The following TMEM135 variants were observed in gnomAD, a reference collection of about 807,000 sequenced individuals.
The protein encoded by TMEM135 is transmembrane protein 135.
TMEM135 carries 30 observed loss-of-function variants against 60.3 expected under a neutral mutation model. The observed-to-expected ratio is 0.50, with a 90% CI of 0.37 to 0.68. TMEM135 has a LOEUF of 0.68. TMEM135 is among the 30% of genes least tolerant of loss of function. The pLI is 0.00. For synonymous variants in TMEM135, 190 were observed against 186.7 expected (o/e 1.02, Z -0.14); for missense variants, 468 against 548.8 (o/e 0.85, Z 1.47).
At chr11:87,292,741 G>A (rs891167093) in intron 6 of TMEM135, among the ~76,000 whole-genome samples, 2 of 152,140 alleles carry the variant, frequency 1.3e-5, no homozygotes, top group Admixed American at 1.3e-4. Flanking sequence ...ACACATGAAT[G>A]GAAAGAAGAA....
chr11:87,122,203 C>T (rs183401364), intron 4 of TMEM135, among the ~76,000 whole-genome samples: 48 of 151,796 alleles, frequency 3.2e-4, no homozygotes, highest in African/African-American at 1.0e-3. Context: ...TTTTATTCCA[C>T]ATTCTTCCAT....
At chr11:87,217,425 A>G (rs1043551632) in intron 5 of TMEM135, among the ~76,000 whole-genome samples, 4 of 152,218 alleles carry the variant, frequency 2.6e-5, no homozygotes, top group Non-Finnish European at 4.4e-5. Context: ...TATAATTTAG[A>G]GAAAGGCAAA....
chr11:87,273,302 T>C (rs1941904356), intron 6 of TMEM135, among the ~76,000 whole-genome samples: 1 of 152,200 alleles, frequency 6.6e-6, no homozygotes, highest in African/African-American at 2.4e-5. Context: ...CATACAGATA[T>C]TGTTATTACC....
chr11:87,198,578 C>T (rs1472351046), intron 5 of TMEM135, among the ~76,000 whole-genome samples: 2 of 147,910 alleles, frequency 1.4e-5, no homozygotes, highest in African/African-American at 5.0e-5. Context: ...CTCTCCGCTC[C>T]CCTCTCTCTC....
intron 3 of TMEM135, among the ~76,000 whole-genome samples, chr11:87,085,612 C>T (rs1316547291): frequency 1.3e-5 from 2 of 152,020 alleles, no homozygotes; most frequent in African/African-American, 4.8e-5. Flanking sequence ...AAAAAATTAG[C>T]TGGGTGTGGT....
At chr11:87,164,389 T>C (rs1456575790) in intron 5 of TMEM135, among the ~76,000 whole-genome samples, 1 of 98,492 alleles carries the variant, frequency 1.0e-5, no homozygotes, top group Admixed American at 1.3e-4. Context: ...TTCTGTTCCA[T>C]TGATCTATAT....
chr11:87,056,918 A>C (rs932502863), intron 1 of TMEM135, among the ~76,000 whole-genome samples: 3 of 152,220 alleles, frequency 2.0e-5, no homozygotes, highest in African/African-American at 7.2e-5. Context: ...CAATTAATTA[A>C]AGTATTTCAC....
At chr11:87,069,279 C>A (rs138163770) in intron 2 of TMEM135, among the ~76,000 whole-genome samples, 6,359 of 107,224 alleles carry the variant, frequency 0.059, 226 homozygotes, top group South Asian at 0.12. Flanking sequence ...AGTAAGACTC[C>A]GTCTCAAAAA....
At chr11:87,117,434 C>T (rs189185850) in intron 4 of TMEM135, among the ~76,000 whole-genome samples, 7 of 152,354 alleles carry the variant, frequency 4.6e-5, no homozygotes, top group Non-Finnish European at 7.3e-5. Context: ...TCAATTCTCT[C>T]AAGCACTGCT....
At chr11:87,293,846 G>T (rs1266105366) in intron 6 of TMEM135, among the ~76,000 whole-genome samples, 1 of 152,182 alleles carries the variant, frequency 6.6e-6, no homozygotes, top group Non-Finnish European at 1.5e-5. Context: ...CTTTATAGTA[G>T]AATGATTTGT....
chr11:87,219,154 T>A (rs1333768249), intron 5 of TMEM135, among the ~76,000 whole-genome samples: 1 of 152,196 alleles, frequency 6.6e-6, no homozygotes, highest in Non-Finnish European at 1.5e-5. Flanking sequence ...AGATTAGAAT[T>A]TCAATAGAAG....
At chr11:87,289,719 G>A (rs915735997) in intron 6 of TMEM135, among the ~76,000 whole-genome samples, 1 of 152,122 alleles carries the variant, frequency 6.6e-6, no homozygotes, top group Admixed American at 6.6e-5. Context: ...GCTTCCCAAA[G>A]TGCTGGGATT....
intron 1 of TMEM135, among the ~76,000 whole-genome samples, chr11:87,039,086 A>G (rs983683892): frequency 6.6e-6 from 1 of 152,180 alleles, no homozygotes; most frequent in Non-Finnish European, 1.5e-5. Flanking sequence ...ATGTCTTCTA[A>G]AAGTTTCAAT....
intron 6 of TMEM135, among the ~76,000 whole-genome samples, chr11:87,246,542 T>G (rs2135385274): frequency 6.6e-6 from 1 of 152,328 alleles, no homozygotes; most frequent in South Asian, 2.1e-4. Context: ...TTGGAGGCTT[T>G]GTTCGTTTCT....
intron 5 of TMEM135, among the ~76,000 whole-genome samples, chr11:87,207,800 T>C (rs1039387356): frequency 2.0e-5 from 3 of 152,224 alleles, no homozygotes; most frequent in African/African-American, 7.2e-5. Flanking sequence ...GGAGCACTTA[T>C]GCCCATGCCT....
intron 6 of TMEM135, among the ~76,000 whole-genome samples, chr11:87,276,012 C>G (rs1941960145): frequency 6.6e-6 from 1 of 152,122 alleles, no homozygotes; most frequent in Non-Finnish European, 1.5e-5. Context: ...CTGCCAAGCT[C>G]CAGAAGGACC....
chr11:87,302,277 A>G lies in TMEM135; in HGVS notation c.552-19A>G, dbSNP rs745548250. Reference sequence around the variant, plus strand: ...TATTTTTAAGTGAAAAATGCCTCACATTGTGCTCTTTTCTTTAGGTTCATT... The same window carrying G: ...TATTTTTAAGTGAAAAATGCCTCACGTTGTGCTCTTTTCTTTAGGTTCATT... On this transcript the variant is annotated intron_variant, in intron 7 of 14. Transcript: ENST00000305494. 2 of 1,613,232 alleles carry G rather than the reference A, an allele frequency of 1.2e-6. No homozygotes were observed. The highest frequency in any genetic ancestry group is 1.7e-6 in the Non-Finnish European group (2 of 1,179,714).
chr11:87,282,457 A>G (rs184209), intron 6 of TMEM135, among the ~76,000 whole-genome samples: 90,275 of 151,858 alleles, frequency 0.59, 27,022 homozygotes, highest in African/African-American at 0.63. Context: ...TAGAGAAGGG[A>G]TTTCACCATC....
At chr11:87,075,989 T>C (rs944517117) in intron 3 of TMEM135, among the ~76,000 whole-genome samples, 1 of 152,178 alleles carries the variant, frequency 6.6e-6, no homozygotes, top group Non-Finnish European at 1.5e-5. Flanking sequence ...TGGGTCAGAC[T>C]TGAAGCTAGC....
Sources: allele counts gnomAD v4.1 joint callset (sites outside exome capture counted in the v4.1 genomes callset), GRCh38; gene constraint gnomAD v4.1.1; transcripts MANE v1.5; gene names NCBI Gene and HGNC (gene_info 2026-07-23, HGNC 2026-07-21).